CRACD: variants seen among roughly 807,000 people sequenced by gnomAD.
The protein encoded by CRACD is capping protein inhibiting regulator of actin dynamics.
In CRACD, 56 loss-of-function variants were observed where a neutral mutation model predicts 106.8. That is an observed-to-expected ratio of 0.52 (90% confidence interval 0.42 to 0.66). CRACD has a LOEUF of 0.66. Among genes scored for constraint, CRACD ranks in the 30% least tolerant of loss-of-function variants. CRACD has a pLI of 0.00. For synonymous variants in CRACD, 754 were observed against 670.8 expected, an observed-to-expected ratio of 1.12 and a Z score of -1.92; for missense variants, 1,730 against 1,623.2, an observed-to-expected ratio of 1.07 and a Z score of -1.13.
intron 1 of CRACD, among the ~76,000 whole-genome samples, chr4:56,172,311 G>C (rs1577710222): frequency 6.6e-6 from 1 of 152,162 alleles, no homozygotes; most frequent in Non-Finnish European, 1.5e-5. Flanking sequence ...CTGCATGGAG[G>C]GAAACAGCAA....
At chr4:56,091,994 G>A (rs1359356354) in intron 1 of CRACD, among the ~76,000 whole-genome samples, 3 of 152,096 alleles carry the variant, frequency 2.0e-5, no homozygotes, top group Non-Finnish European at 2.9e-5. Context: ...ACCAGCCAAG[G>A]CAACATAGTA....
At chr4:56,302,110 T>G (rs1744402522) in intron 4 of CRACD, among the ~76,000 whole-genome samples, 1 of 152,156 alleles carries the variant, frequency 6.6e-6, no homozygotes, top group African/African-American at 2.4e-5. Flanking sequence ...CACTTTCTCC[T>G]CCTGAAAACT....
chr4:56,113,170 T>G (rs1389019373), intron 1 of CRACD, among the ~76,000 whole-genome samples: 1 of 152,202 alleles, frequency 6.6e-6, no homozygotes, highest in Non-Finnish European at 1.5e-5. Flanking sequence ...TTGTGTTCTT[T>G]TGAGTTTCTG....
At position 56,309,224 on chromosome 4, in the gene CRACD, G is replaced by A. The variant is rs1744965045; in HGVS notation, c.286-1442G>A. 25 of 289,804 alleles carry A rather than the reference G, an allele frequency of 8.6e-5. 2 individuals are homozygous for A. The highest frequency in any genetic ancestry group is 8.0e-4 in the South Asian group (23 of 28,764). 18.0% of individuals were successfully genotyped at this position (289,804 alleles called of 1,614,324 possible). A position where few individuals can be genotyped will look rare whatever the true frequency, so the allele number is the denominator to read the frequency against. ...CCAAGCCGGATTGTATAGACCATGGGAAAAGGGTAAATTCTATTTGGAAGA... is the reference window on the plus strand; with the variant it reads ...CCAAGCCGGATTGTATAGACCATGGAAAAAGGGTAAATTCTATTTGGAAGA... On this transcript the variant is annotated intron_variant, in intron 5 of 10. Coordinates refer to ENST00000682029, the MANE Select transcript of CRACD (RefSeq NM_001393381.1).
intron 3 of CRACD, chr4:56,297,866 G>T: frequency 6.1e-6 from 1 of 163,228 alleles, no homozygotes; most frequent in Non-Finnish European, 1.3e-5. Context: ...ATAAATTCTG[G>T]TTGGCAAGAC....
At chr4:56,102,758 T>C (rs141663331) in intron 1 of CRACD, among the ~76,000 whole-genome samples, 154 of 152,340 alleles carry the variant, frequency 1.0e-3, no homozygotes, top group Middle Eastern at 3.4e-3. Flanking sequence ...CCTCCTGCTC[T>C]TCACACTCTG....
At chr4:56,303,054 G>A (rs557983414) in intron 4 of CRACD, among the ~76,000 whole-genome samples, 1 of 152,282 alleles carries the variant, frequency 6.6e-6, no homozygotes, top group Admixed American at 6.5e-5. Flanking sequence ...TATAAAGAAG[G>A]AGTCTGGAGG....
At chr4:56,135,379 A>C (rs1734969784) in intron 1 of CRACD, among the ~76,000 whole-genome samples, 1 of 152,258 alleles carries the variant, frequency 6.6e-6, no homozygotes, top group African/African-American at 2.4e-5. Flanking sequence ...TTATTTGATG[A>C]AGATAGGTTG....
At chr4:56,209,489 A>G (rs1738293276) in intron 2 of CRACD, among the ~76,000 whole-genome samples, 1 of 152,152 alleles carries the variant, frequency 6.6e-6, no homozygotes, top group Non-Finnish European at 1.5e-5. Flanking sequence ...TATATTAACT[A>G]CATGAACTCT....
At chr4:56,074,525 C>T (rs1191966375) in intron 1 of CRACD, among the ~76,000 whole-genome samples, 5 of 152,082 alleles carry the variant, frequency 3.3e-5, no homozygotes, top group South Asian at 4.1e-4. Context: ...GTGATTTTTG[C>T]GCATTGATTT....
intron 3 of CRACD, among the ~76,000 whole-genome samples, chr4:56,287,291 A>ATTTTTT (rs57432926): frequency 4.8e-5 from 7 of 145,898 alleles, no homozygotes; most frequent in African/African-American, 1.5e-4. Context: ...TACTTGGCTA[A>ATTTTTT]TTTTTTTTTT....
intron 1 of CRACD, among the ~76,000 whole-genome samples, chr4:56,085,319 A>C (rs1019983155): frequency 2.6e-5 from 4 of 152,036 alleles, no homozygotes; most frequent in Non-Finnish European, 5.9e-5. Context: ...AAGTTTATTT[A>C]TGTGGGTCTT....
chr4:56,269,289 A>G (rs1029805106), intron 2 of CRACD, among the ~76,000 whole-genome samples: 4 of 152,070 alleles, frequency 2.6e-5, no homozygotes, highest in Non-Finnish European at 4.4e-5. Flanking sequence ...AGGCTGAGGC[A>G]TGAGAATTGC....
At chr4:56,260,791 G>A (rs1741649205) in intron 2 of CRACD, among the ~76,000 whole-genome samples, 1 of 152,162 alleles carries the variant, frequency 6.6e-6, no homozygotes, top group African/African-American at 2.4e-5. Context: ...CCCTATGGAT[G>A]TCAGACTTGC....
At chr4:56,260,097 T>C (rs1426026857) in intron 2 of CRACD, among the ~76,000 whole-genome samples, 1 of 152,218 alleles carries the variant, frequency 6.6e-6, no homozygotes, top group Non-Finnish European at 1.5e-5. Flanking sequence ...GGATCTGCCA[T>C]GACCACATGA....
At chr4:56,124,665 A>C (rs993614840) in intron 1 of CRACD, among the ~76,000 whole-genome samples, 1 of 152,158 alleles carries the variant, frequency 6.6e-6, no homozygotes, top group African/African-American at 2.4e-5. Flanking sequence ...TTTGGTTGAG[A>C]TATTTCTTAA....
At chr4:56,248,572 A>G (rs1577800572) in intron 2 of CRACD, among the ~76,000 whole-genome samples, 1 of 147,228 alleles carries the variant, frequency 6.8e-6, no homozygotes, top group African/African-American at 2.5e-5. Flanking sequence ...AACCTTACCT[A>G]TGTGTTTTTT....
At chr4:56,198,062 CATT>C (rs1737705990) in intron 2 of CRACD, among the ~76,000 whole-genome samples, 1 of 152,128 alleles carries the variant, frequency 6.6e-6, no homozygotes, top group Non-Finnish European at 1.5e-5. Flanking sequence ...TATCTTTCCT[CATT>C]AGAAATCACT....
rs181076819 is a variant in CRACD at position 56,069,796 on chromosome 4, C to A, written c.-336+20497C>A. Reference sequence around the variant, plus strand: ...GTCTCAGTCTTTCTCCTTCCCTGCTCGAAAAAAGAGACTATACCAGATCAA... The same window carrying A: ...GTCTCAGTCTTTCTCCTTCCCTGCTAGAAAAAAGAGACTATACCAGATCAA... On this transcript the variant is annotated intron_variant, in intron 1 of 10. Transcript: ENST00000682029. Among the ~76,000 whole-genome samples, 3 of 151,946 alleles carry A rather than the reference C, an allele frequency of 2.0e-5. No individual in the cohort carries two copies. The East Asian group carries it at 5.8e-4, about 29-fold the overall frequency.
Sources: allele counts gnomAD v4.1 joint callset (sites outside exome capture counted in the v4.1 genomes callset), GRCh38; gene constraint gnomAD v4.1.1; transcripts MANE v1.5; gene names NCBI Gene and HGNC (gene_info 2026-07-23, HGNC 2026-07-21).